Variants in DYRK1A observed in about 807,000 individuals in gnomAD.
The protein encoded by DYRK1A is dual specificity tyrosine phosphorylation regulated kinase 1A.
DYRK1A carries 9 observed loss-of-function variants against 79.7 expected under a neutral mutation model. The ratio of observed to expected loss-of-function variants is 0.11; its 90% confidence interval spans 0.07 to 0.20. DYRK1A has a LOEUF of 0.20. Ranked by LOEUF, DYRK1A falls within the 10% of genes least tolerant of loss-of-function variation. DYRK1A has a pLI of 1.00. For synonymous variants in DYRK1A, 349 were observed against 329.7 expected, an observed-to-expected ratio of 1.06 and a Z score of -0.63; for missense variants, 622 against 956.0, an observed-to-expected ratio of 0.65 and a Z score of 4.61.
chr21:37,477,710 GTGCTC>G (rs1386165208), intron 3 of DYRK1A, among the ~76,000 whole-genome samples: 1 of 152,148 alleles, frequency 6.6e-6, no homozygotes, highest in Non-Finnish European at 1.5e-5. Flanking sequence ...GGAGGGAATG[GTGCTC>G]TGCTGCCAGC....
chr21:37,406,809 ATATC>A (rs1367259976), intron 1 of DYRK1A, among the ~76,000 whole-genome samples: 27 of 147,020 alleles, frequency 1.8e-4, no homozygotes, highest in Non-Finnish European at 2.5e-4. Flanking sequence ...ATAATTATAT[ATATC>A]TATTTATATA....
chr21:37,393,296 T>G (rs1484387965), intron 1 of DYRK1A, among the ~76,000 whole-genome samples: 2 of 152,216 alleles, frequency 1.3e-5, no homozygotes, highest in Non-Finnish European at 2.9e-5. Context: ...TGCCTCTTTG[T>G]AAGGGTACAA....
chr21:37,502,075 T>C (rs935153579), intron 9 of DYRK1A: 7 of 152,216 alleles, frequency 4.6e-5, no homozygotes, highest in African/African-American at 1.7e-4. Context: ...GATATTTTCA[T>C]GGTGTGTGTG....
intron 2 of DYRK1A, among the ~76,000 whole-genome samples, chr21:37,432,624 T>C (rs1195191921): frequency 6.6e-6 from 1 of 152,184 alleles, no homozygotes; most frequent in East Asian, 1.9e-4. Context: ...ACCTAAAATA[T>C]AAAATTGTTA....
chr21:37,466,636 C>G (rs183617717), intron 2 of DYRK1A, among the ~76,000 whole-genome samples: 105 of 151,904 alleles, frequency 6.9e-4, no homozygotes, highest in African/African-American at 2.2e-3. Flanking sequence ...ACAGATAAAG[C>G]AAAAAGCTTT....
At chr21:37,437,962 C>G (rs575579724) in intron 2 of DYRK1A, among the ~76,000 whole-genome samples, 23 of 152,294 alleles carry the variant, frequency 1.5e-4, no homozygotes, top group African/African-American at 4.8e-4. Flanking sequence ...TTTACATTTT[C>G]ACCAGCAGTT....
intron 1 of DYRK1A, among the ~76,000 whole-genome samples, chr21:37,411,048 TTAAA>T (rs1171690516): frequency 1.5e-4 from 8 of 52,168 alleles, no homozygotes; most frequent in African/African-American, 8.7e-4. Context: ...GATTCTGTCT[TTAAA>T]AAAAAAAAAA....
intron 4 of DYRK1A, among the ~76,000 whole-genome samples, chr21:37,479,632 T>G (rs1264735365): frequency 4.7e-5 from 6 of 128,248 alleles, no homozygotes; most frequent in African/African-American, 1.3e-4. Context: ...TTTTTTTTTT[T>G]TTTTGGAGAC....
At chr21:37,413,925 T>C (rs1175670857) in intron 1 of DYRK1A, among the ~76,000 whole-genome samples, 12 of 152,190 alleles carry the variant, frequency 7.9e-5, no homozygotes, top group Non-Finnish European at 1.5e-5. Context: ...GGCTCTAAGA[T>C]TTAAAATTCA....
At chr21:37,412,472 G>T (rs560081975) in intron 1 of DYRK1A, among the ~76,000 whole-genome samples, 1 of 152,154 alleles carries the variant, frequency 6.6e-6, no homozygotes, top group African/African-American at 2.4e-5. Context: ...TTAGGTCCTT[G>T]TCCAGGCTTC....
At chr21:37,457,041 T>TTACTTAG (rs1569339620) in intron 2 of DYRK1A, among the ~76,000 whole-genome samples, 765 of 46,996 alleles carry the variant, frequency 0.016, 2 homozygotes, top group Non-Finnish European at 0.026. Flanking sequence ...TACTTACTTA[T>TTACTTAG]TTATTTATTT....
intron 2 of DYRK1A, among the ~76,000 whole-genome samples, chr21:37,444,660 C>G (rs2148486186): frequency 6.6e-6 from 1 of 152,166 alleles, no homozygotes; most frequent in Middle Eastern, 3.4e-3. Context: ...AACATGATGC[C>G]AAGCCTGGGT....
chr21:37,384,662 A>G (rs1208201379), intron 1 of DYRK1A, among the ~76,000 whole-genome samples: 1 of 152,208 alleles, frequency 6.6e-6, no homozygotes, highest in African/African-American at 2.4e-5. Context: ...GCAGGTTAAC[A>G]TGACTCATAA....
At chr21:37,500,846 G>C (rs1412477430) in intron 9 of DYRK1A, among the ~76,000 whole-genome samples, 2 of 150,752 alleles carry the variant, frequency 1.3e-5, no homozygotes, top group East Asian at 1.9e-4. Context: ...TGTACTTTCT[G>C]TTTTTTCCGC....
intron 1 of DYRK1A, among the ~76,000 whole-genome samples, chr21:37,409,991 C>T (rs928231922): frequency 2.6e-5 from 4 of 151,960 alleles, no homozygotes; most frequent in African/African-American, 7.3e-5. Flanking sequence ...TGTTATGAAA[C>T]GGATTTCTAA....
chr21:37,512,351 C>G lies in DYRK1A; in HGVS notation c.2085C>G (p.Val695=), dbSNP rs372748919. 35 of 1,614,132 alleles carry G rather than the reference C, an allele frequency of 2.2e-5. 2 individuals carry two copies. The Middle Eastern group carries it at 2.0e-3, about 91-fold the overall frequency. The change falls in exon 12 of 12, where the codon GTC becomes GTG. Residue 695 remains valine (V), a synonymous_variant. Coordinates refer to ENST00000647188, the MANE Select transcript of DYRK1A (RefSeq NM_001347721.2). ...GAGCTATGGACGTTAATTTGACCGT[C>G]TACTCCAATCCCCGCCAAGAGACTG... ...QNGAMDVNLT[V]YSNPRQETGI... is the part of the protein sequence containing the mutation.
At chr21:37,451,535 G>T (rs1341269656) in intron 2 of DYRK1A, among the ~76,000 whole-genome samples, 1 of 152,146 alleles carries the variant, frequency 6.6e-6, no homozygotes, top group Non-Finnish European at 1.5e-5. Flanking sequence ...CGGCTGAACA[G>T]GTTTGCAGCC....
At chr21:37,409,490 A>G (rs989475629) in intron 1 of DYRK1A, among the ~76,000 whole-genome samples, 7 of 152,140 alleles carry the variant, frequency 4.6e-5, no homozygotes, top group Admixed American at 4.6e-4. Context: ...ATATTTGTCC[A>G]TTGTCATGAA....
At chr21:37,495,152 TTGTGTGTGTGTGTGTGTGTGTGTGTG>T (rs56226706) in intron 8 of DYRK1A, among the ~76,000 whole-genome samples, 17 of 137,738 alleles carry the variant, frequency 1.2e-4, no homozygotes, top group Admixed American at 2.9e-4. Flanking sequence ...CTCTGGGATT[TTGTGTGTGTGTGTGTGTGTGTGTGTG>T]TGTGTGTGTG....
Sources: gnomAD v4.1 joint callset for allele counts (sites outside exome capture counted in the v4.1 genomes callset) on GRCh38, gnomAD v4.1.1 for gene constraint, MANE v1.5 for transcripts, NCBI Gene and HGNC (gene_info 2026-07-23, HGNC 2026-07-21) for gene names.